The following KPNA3 variants were observed in gnomAD, a reference collection of about 807,000 sequenced individuals.
KPNA3 encodes the protein importin subunit alpha-4.
In KPNA3, 13 loss-of-function variants were observed where a neutral mutation model predicts 73.8. That is an observed-to-expected ratio of 0.18 (90% CI 0.11 to 0.28). The LOEUF (loss-of-function observed/expected upper bound fraction) is 0.28, where lower values mean the gene tolerates loss of function less well. KPNA3 is among the 10% of genes least tolerant of loss of function. The pLI is 1.00. For missense variants in KPNA3, 360 were observed against 618.1 expected (o/e 0.58, Z 4.43); for synonymous variants, 186 against 206.9 (o/e 0.90, Z 0.87).
intron 1 of KPNA3, among the ~76,000 whole-genome samples, chr13:49,748,082 G>T (rs891992609): frequency 6.6e-6 from 1 of 152,162 alleles, no homozygotes; most frequent in Non-Finnish European, 1.5e-5. Flanking sequence ...CTATATCCTT[G>T]ACTTGCTCAA....
chr13:49,768,094 A>G (rs187168046), intron 1 of KPNA3, among the ~76,000 whole-genome samples: 178 of 152,226 alleles, frequency 1.2e-3, no homozygotes, highest in African/African-American at 3.9e-3. Context: ...CCTGCCCAAC[A>G]TAATGAAACC....
intron 15 of KPNA3, among the ~76,000 whole-genome samples, chr13:49,705,131 G>A (rs1954193793): frequency 6.6e-6 from 1 of 152,160 alleles, no homozygotes; most frequent in African/African-American, 2.4e-5. Flanking sequence ...CGCTGAGGCA[G>A]GTGGATCACT....
chr13:49,705,550 GT>G, intron 15 of KPNA3, 70 bp downstream of exon 15: 1 of 1,467,112 alleles, frequency 6.8e-7, no homozygotes. Context: ...TGTCTAGTAA[GT>G]TGACTTTAAA....
intron 10 of KPNA3, among the ~76,000 whole-genome samples, chr13:49,715,890 C>G (rs1047779576): frequency 1.3e-5 from 2 of 152,204 alleles, no homozygotes; most frequent in Admixed American, 1.3e-4. Flanking sequence ...GGCCTAAATG[C>G]CTATCCATAA....
At chr13:49,719,553 AC>A (rs1954335601) in intron 10 of KPNA3, among the ~76,000 whole-genome samples, 1 of 152,214 alleles carries the variant, frequency 6.6e-6, no homozygotes, top group Admixed American at 6.5e-5. Context: ...GAAATAAACT[AC>A]ATATGCAGTA....
chr13:49,713,439 C>T (rs977795037), intron 10 of KPNA3, among the ~76,000 whole-genome samples: 4 of 151,644 alleles, frequency 2.6e-5, no homozygotes, highest in African/African-American at 9.7e-5. Context: ...AACTTTATAC[C>T]CTGATAATGG....
At position 49,715,863 on chromosome 13, in the gene KPNA3, T is replaced by C. The variant is rs915581377; in HGVS notation, c.771+3912A>G. 2.0e-5 allele frequency among the ~76,000 whole-genome samples: 3 copies of C among 152,352 alleles called. No homozygotes were observed. In the South Asian group the frequency reaches 6.2e-4, roughly 32 times the overall value. ...GTCATTGGTATAATACTTTTACATT[T>C]GCAAAATTCAGGAAATGGCCTAAAT... On this transcript the variant is annotated intron_variant, in intron 10 of 16. Transcript: ENST00000261667.
In KPNA3 at chr13:49,792,518, G is replaced by GCTCCGGCGGCGGCTA. The variant is rs778099537; in HGVS notation, c.-27_-13dup. 1.1e-4 allele frequency: 166 copies of GCTCCGGCGGCGGCTA among 1,569,080 alleles called. 1 individual carries two copies. The African/African-American group carries it at 2.2e-3, about 21-fold the overall frequency. On this transcript the variant is annotated 5_prime_UTR_variant, in exon 1 of 17. Coordinates refer to ENST00000261667, the MANE Select transcript of KPNA3 (RefSeq NM_002267.4). ...GGGTTCTCGGCCATGGCTGCGCGCG[G>GCTCCGGCGGCGGCTA]CTCCGGCGGCGGCTACTCCTGCGGC...
chr13:49,721,025 C>G (rs1275182422), intron 9 of KPNA3, among the ~76,000 whole-genome samples: 1 of 152,024 alleles, frequency 6.6e-6, no homozygotes, highest in Non-Finnish European at 1.5e-5. Flanking sequence ...TTGAGACCAG[C>G]CTGGCCTACA....
At chr13:49,731,882 T>C (rs1594440828) in intron 6 of KPNA3, among the ~76,000 whole-genome samples, 1 of 152,146 alleles carries the variant, frequency 6.6e-6, no homozygotes, top group Non-Finnish European at 1.5e-5. Context: ...AAACAAAAAG[T>C]CTGACATTGG....
chr13:49,731,057 G>A (rs1021466701), intron 6 of KPNA3, among the ~76,000 whole-genome samples: 1 of 151,586 alleles, frequency 6.6e-6, no homozygotes, highest in Non-Finnish European at 1.5e-5. Flanking sequence ...TGAGACTACA[G>A]GTGTGAGCCA....
At chr13:49,764,736 T>C (rs986610971) in intron 1 of KPNA3, among the ~76,000 whole-genome samples, 1 of 151,582 alleles carries the variant, frequency 6.6e-6, no homozygotes, top group Admixed American at 6.6e-5. Context: ...ATCATGAGCA[T>C]GACCATGTCT....
intron 2 of KPNA3, among the ~76,000 whole-genome samples, chr13:49,745,873 C>G (rs1235761591): frequency 6.6e-6 from 1 of 150,562 alleles, no homozygotes; most frequent in East Asian, 2.0e-4. Flanking sequence ...ACCATCCTGG[C>G]TAACACGGTG....
chr13:49,792,293 GC>G, intron 1 of KPNA3, 144 bp downstream of exon 1: 1 of 297,972 alleles, frequency 3.4e-6, no homozygotes, highest in East Asian at 1.0e-4. Context: ...GCTCCGCCCA[GC>G]CCGGGGCCGC....
intron 1 of KPNA3, among the ~76,000 whole-genome samples, chr13:49,770,329 C>T (rs775732165): frequency 1.5e-4 from 23 of 151,694 alleles, no homozygotes; most frequent in Non-Finnish European, 3.2e-4. Context: ...ATGTGCACCA[C>T]CACACCAGGC....
rs34283770 is a variant in KPNA3 at position 49,701,198 on chromosome 13, G to GT, written c.*601dup. 2.3e-3 allele frequency: 332 copies of GT among 146,848 alleles called. No individual in the cohort carries two copies. The highest frequency in any genetic ancestry group is 4.4e-3 in the Admixed American group (63 of 14,176). The allele number at this position is 146,848 out of a possible 1,614,324, so 9.1% of individuals were successfully genotyped here. On this transcript the variant is annotated 3_prime_UTR_variant, in exon 17 of 17. Transcript: ENST00000261667. ...ACATCAATTACTGGTAGATGAAGTA[G>GT]TTTTTTTTTTTTTTTAAACTTATCT...
chr13:49,759,056 G>T (rs982698474), intron 1 of KPNA3, among the ~76,000 whole-genome samples: 3 of 151,954 alleles, frequency 2.0e-5, no homozygotes, highest in Admixed American at 1.3e-4. Context: ...AACATGAAGA[G>T]GCTCCAAATG....
At chr13:49,768,229 A>C (rs577542263) in intron 1 of KPNA3, among the ~76,000 whole-genome samples, 46 of 150,830 alleles carry the variant, frequency 3.0e-4, no homozygotes, top group Non-Finnish European at 6.0e-4. Flanking sequence ...CAGTGAGCCA[A>C]GATCGCGCCA....
Position 49,701,608 on chromosome 13 carries a change from T to C in KPNA3, c.*192A>G. 1 of 721,392 alleles carries C rather than the reference T, an allele frequency of 1.4e-6. No homozygotes were observed. The highest frequency in any genetic ancestry group is 2.6e-6 in the Non-Finnish European group (1 of 383,516). The allele number at this position is 721,392 out of a possible 1,614,324, so 44.7% of individuals were successfully genotyped here. A position where few individuals can be genotyped will look rare whatever the true frequency, so the allele number is the denominator to read the frequency against. ...CTAAAACAGTTTAGGAAATCATGCA[T>C]ATGCATTTACAGTCCATGTGATAGT... On this transcript the variant is annotated 3_prime_UTR_variant, in exon 17 of 17. Transcript: ENST00000261667.
Sources: gnomAD v4.1 joint callset for allele counts (sites outside exome capture counted in the v4.1 genomes callset) on GRCh38, gnomAD v4.1.1 for gene constraint, MANE v1.5 for transcripts, NCBI Gene and HGNC (gene_info 2026-07-23, HGNC 2026-07-21) for gene names.